SFMBT1: variants seen among roughly 807,000 people sequenced by gnomAD.
SFMBT1 encodes the protein scm-like with four MBT domains protein 1.
Under a neutral mutation model 108.7 loss-of-function variants are expected in SFMBT1, and 32 were observed. The ratio of observed to expected loss-of-function variants is 0.29; its 90% CI spans 0.22 to 0.40. The LOEUF (loss-of-function observed/expected upper bound fraction) is 0.40, where lower values mean the gene tolerates loss of function less well. Among genes scored for constraint, SFMBT1 ranks in the 10% least tolerant of loss-of-function variants. The pLI, the probability that SFMBT1 is intolerant of heterozygous loss-of-function variation, is 1.00. For missense variants in SFMBT1, 816 were observed against 1,059.6 expected (o/e 0.77, Z 3.19); for synonymous variants, 348 against 369.5 (o/e 0.94, Z 0.67).
chr3:52,906,979 A>G, intron 19 of SFMBT1, 90 bp downstream of exon 19: 1 of 1,451,654 alleles, frequency 6.9e-7, no homozygotes, highest in Non-Finnish European at 9.2e-7. Flanking sequence ...GTATTGAAAG[A>G]AGTAGAATGT....
In SFMBT1 at chr3:53,025,931, C is replaced by G. The variant is rs142703256; in HGVS notation, c.-131+19885G>C. On this transcript the variant is annotated intron_variant, in intron 1 of 20. Coordinates refer to ENST00000394752, the MANE Select transcript of SFMBT1 (RefSeq NM_016329.4). ...GCGGGAGCTTTATAACAATTATTGT[C>G]AGCACTTGAAAACTGATTTTGCTTT... 5.5e-4 allele frequency among the ~76,000 whole-genome samples: 84 copies of G among 152,248 alleles called. No individual in the cohort carries two copies. The South Asian group carries it at 6.4e-3, about 12-fold the overall frequency.
chr3:52,972,936 C>G (rs986341204), intron 1 of SFMBT1, among the ~76,000 whole-genome samples: 1 of 152,068 alleles, frequency 6.6e-6, no homozygotes, highest in African/African-American at 2.4e-5. Flanking sequence ...AGAAGAGAAT[C>G]GCTTGAGCCT....
intron 14 of SFMBT1, among the ~76,000 whole-genome samples, chr3:52,915,072 G>A (rs1449641940): frequency 7.9e-5 from 12 of 152,170 alleles, no homozygotes; most frequent in Non-Finnish European, 1.6e-4. Flanking sequence ...ATCAGCTTCA[G>A]GGCTCCCAGT....
chr3:52,969,388 G>C, intron 1 of SFMBT1, 130 bp from the exon 2 acceptor site: 2 of 899,628 alleles, frequency 2.2e-6, no homozygotes, highest in East Asian at 6.8e-5. Context: ...GATAGGACTG[G>C]AGGAAAAAAT....
chr3:52,993,717 G>T (rs925709647), intron 1 of SFMBT1, among the ~76,000 whole-genome samples: 1 of 150,038 alleles, frequency 6.7e-6, no homozygotes, highest in African/African-American at 2.4e-5. Context: ...ATTGTGAAAA[G>T]AGTTAAGATA....
chr3:52,927,358 G>A (rs1175493372), intron 9 of SFMBT1, among the ~76,000 whole-genome samples: 1 of 152,208 alleles, frequency 6.6e-6, no homozygotes, highest in Non-Finnish European at 1.5e-5. Context: ...ATGAATAAAA[G>A]CTGAATGGAA....
At chr3:52,985,399 C>A (rs1241017553) in intron 1 of SFMBT1, among the ~76,000 whole-genome samples, 1 of 152,176 alleles carries the variant, frequency 6.6e-6, no homozygotes, top group African/African-American at 2.4e-5. Context: ...TGAGTACCTA[C>A]TATGTATGTG....
chr3:52,949,429 T>C (rs1397081211), intron 3 of SFMBT1, among the ~76,000 whole-genome samples: 5 of 152,192 alleles, frequency 3.3e-5, no homozygotes, highest in African/African-American at 4.8e-5. Flanking sequence ...ACTAATAATA[T>C]TGAATCCATT....
intron 5 of SFMBT1, 90 bp downstream of exon 5, chr3:52,934,723 C>A: frequency 1.9e-6 from 2 of 1,038,328 alleles, no homozygotes; most frequent in East Asian, 2.6e-5. Context: ...CGTTTATTTT[C>A]TTCAGAGTGG....
chr3:52,966,774 A>G (rs998091660), intron 2 of SFMBT1, among the ~76,000 whole-genome samples: 2 of 151,778 alleles, frequency 1.3e-5, no homozygotes, highest in African/African-American at 2.4e-5. Flanking sequence ...TCCTTCTCTC[A>G]AGTGTTCTAA....
intron 4 of SFMBT1, among the ~76,000 whole-genome samples, chr3:52,935,289 C>A (rs1395890467): frequency 1.3e-5 from 2 of 152,180 alleles, no homozygotes; most frequent in Non-Finnish European, 2.9e-5. Context: ...TCATCTAAAC[C>A]AGGATTTACA....
Position 52,986,791 on chromosome 3 carries a change from T to A in SFMBT1, c.-130-17533A>T, listed in dbSNP as rs374893375. On this transcript the variant is annotated intron_variant, in intron 1 of 20. Coordinates refer to ENST00000394752, the MANE Select transcript of SFMBT1 (RefSeq NM_016329.4). ...CTCTGTCTCAAAAAAAAAAAAAAAATTAGCAGGGTGTGGTGGCGAGTGCCT... is the reference window on the plus strand; with the variant it reads ...CTCTGTCTCAAAAAAAAAAAAAAAAATAGCAGGGTGTGGTGGCGAGTGCCT... Among the ~76,000 whole-genome samples, 8 of 26,970 alleles carry A rather than the reference T, an allele frequency of 3.0e-4. 1 individual carries two copies. Among genetic ancestry groups the A allele is most frequent in the East Asian group, 1.3e-3 (1 of 792 alleles). 17.7% of individuals were successfully genotyped at this position (26,970 alleles called of 152,430 possible). A position where few individuals can be genotyped will look rare whatever the true frequency, so the allele number is the denominator to read the frequency against.
intron 2 of SFMBT1, among the ~76,000 whole-genome samples, chr3:52,963,141 A>G (rs1704020919): frequency 6.6e-6 from 1 of 151,660 alleles, no homozygotes; most frequent in African/African-American, 2.4e-5. Flanking sequence ...TTACAGGCGC[A>G]TACCACCATG....
chr3:52,975,758 C>T (rs927041123), intron 1 of SFMBT1, among the ~76,000 whole-genome samples: 10 of 152,130 alleles, frequency 6.6e-5, no homozygotes, highest in African/African-American at 9.7e-5. Flanking sequence ...TGTGCTACCA[C>T]GCCCGGCTAC....
chr3:53,035,460 G>A (rs906053798), intron 1 of SFMBT1, among the ~76,000 whole-genome samples: 15 of 152,204 alleles, frequency 9.9e-5, no homozygotes, highest in Admixed American at 7.9e-4. Flanking sequence ...CTGCTAATAT[G>A]TAACATTTTA....
chr3:52,984,514 T>C (rs1704834380), intron 1 of SFMBT1, among the ~76,000 whole-genome samples: 1 of 152,010 alleles, frequency 6.6e-6, no homozygotes, highest in African/African-American at 2.4e-5. Flanking sequence ...ATTCAGTAAT[T>C]TATGCTGCCT....
intron 1 of SFMBT1, among the ~76,000 whole-genome samples, chr3:53,028,898 C>T (rs1020592808): frequency 3.9e-5 from 6 of 152,052 alleles, no homozygotes; most frequent in Admixed American, 1.3e-4. Flanking sequence ...CTAGGCCGGG[C>T]GCGGTAGCTC....
At chr3:53,019,826 C>T (rs1699244891) in intron 1 of SFMBT1, among the ~76,000 whole-genome samples, 2 of 152,164 alleles carry the variant, frequency 1.3e-5, no homozygotes, top group South Asian at 2.1e-4. Context: ...TACTTAAAAC[C>T]TTTCAGTAAC....
At chr3:53,026,501 G>T (rs370347161) in intron 1 of SFMBT1, among the ~76,000 whole-genome samples, 45 of 150,842 alleles carry the variant, frequency 3.0e-4, no homozygotes, top group East Asian at 1.8e-3. Flanking sequence ...ACTCAACAGA[G>T]AATACAAAGT....
Sources: allele counts gnomAD v4.1 joint callset (sites outside exome capture counted in the v4.1 genomes callset), GRCh38; gene constraint gnomAD v4.1.1; transcripts MANE v1.5; gene names NCBI Gene and HGNC (gene_info 2026-07-23, HGNC 2026-07-21).